CERS5: variants seen among roughly 807,000 people sequenced by gnomAD.
CERS5 encodes the protein LAG1 homolog, ceramide synthase 5.
In CERS5, 37 loss-of-function variants were observed where a neutral mutation model predicts 58.9. That is an observed-to-expected ratio of 0.63 (90% confidence interval 0.48 to 0.83). The LOEUF (loss-of-function observed/expected upper bound fraction) is 0.83, where lower values mean the gene tolerates loss of function less well. CERS5 is among the 40% of genes least tolerant of loss of function. The pLI is 0.00. For missense variants in CERS5, 398 were observed against 489.3 expected (o/e 0.81, Z 1.76); for synonymous variants, 147 against 177.8 (o/e 0.83, Z 1.38).
intron 4 of CERS5, among the ~76,000 whole-genome samples, chr12:50,138,891 G>A (rs995147316): frequency 6.6e-6 from 1 of 152,186 alleles, no homozygotes; most frequent in East Asian, 1.9e-4. Flanking sequence ...ATATATACAG[G>A]AAGACAATGA....
chr12:50,141,640 A>G (rs1238214133), intron 4 of CERS5, among the ~76,000 whole-genome samples: 2 of 152,132 alleles, frequency 1.3e-5, no homozygotes, highest in African/African-American at 4.8e-5. Context: ...GGAAATATAA[A>G]GATCTAAAGG....
chr12:50,161,338 G>A (rs1383216023), intron 1 of CERS5, among the ~76,000 whole-genome samples: 2 of 152,162 alleles, frequency 1.3e-5, no homozygotes, highest in African/African-American at 4.8e-5. Flanking sequence ...TGCTCAGTGT[G>A]GTTGATGAGA....
At chr12:50,148,571 TG>T (rs1402980110) in intron 1 of CERS5, 22 of 346,754 alleles carry the variant, frequency 6.3e-5, no homozygotes, top group Non-Finnish European at 1.2e-4. Flanking sequence ...CACTCCAGTC[TG>T]GGCGACAAAG....
Position 50,143,357 on chromosome 12 carries a change from A to G in CERS5, c.304-153T>C, listed in dbSNP as rs954893764. 7 of 825,388 alleles carry G rather than the reference A, an allele frequency of 8.5e-6. No individual in the cohort carries two copies. In the South Asian group the frequency reaches 1.2e-4, roughly 14 times the overall value. 51.1% of individuals were successfully genotyped at this position (825,388 alleles called of 1,614,324 possible). A position where few individuals can be genotyped will look rare whatever the true frequency, so the allele number is the denominator to read the frequency against. On this transcript the variant is annotated intron_variant, in intron 2 of 9. Transcript: ENST00000317551. ...ATCCCAAAGTCATTTTTAGTAAGAA[A>G]TTTTATCTTACATATCAAGGACCTG...
At chr12:50,161,480 A>G (rs1254857005) in intron 1 of CERS5, among the ~76,000 whole-genome samples, 1 of 152,160 alleles carries the variant, frequency 6.6e-6, no homozygotes, top group Non-Finnish European at 1.5e-5. Flanking sequence ...GATATGAAAC[A>G]AACAAAGCAA....
intron 9 of CERS5, 146 bp downstream of exon 9, chr12:50,134,400 C>A (rs768343184): frequency 1.3e-6 from 2 of 1,588,426 alleles, no homozygotes; most frequent in African/African-American, 1.3e-5. Context: ...AAACACTTAC[C>A]GAAGAGGCGA....
chr12:50,156,476 G>T (rs1938665779), intron 1 of CERS5, among the ~76,000 whole-genome samples: 1 of 130,602 alleles, frequency 7.7e-6, no homozygotes, highest in African/African-American at 3.0e-5. Context: ...ATGCACCTCT[G>T]GTCCCAGCTA....
At chr12:50,145,438 T>G (rs969334597) in intron 1 of CERS5, among the ~76,000 whole-genome samples, 2 of 152,170 alleles carry the variant, frequency 1.3e-5, no homozygotes, top group African/African-American at 4.8e-5. Flanking sequence ...AGTCCCATAA[T>G]GAAAATATGA....
intron 1 of CERS5, among the ~76,000 whole-genome samples, chr12:50,164,700 A>G (rs531408038): frequency 1.3e-5 from 2 of 152,268 alleles, no homozygotes; most frequent in Non-Finnish European, 1.5e-5. Context: ...GGAGCACCAT[A>G]GAAACACTCA....
At chr12:50,133,089 A>G in intron 9 of CERS5, 1 of 1,287,786 alleles carries the variant, frequency 7.8e-7, no homozygotes, top group Non-Finnish European at 1.0e-6. Flanking sequence ...AAAGCAGGAG[A>G]GAACAGAGAT....
In CERS5 at chr12:50,165,704, T is replaced by C. The variant is rs578037876; in HGVS notation, c.197+1397A>G. The C allele has an allele frequency of 4.2e-4, 92 of 218,444 alleles. 1 individual carries two copies. The highest frequency in any genetic ancestry group is 3.1e-3 in the South Asian group (61 of 19,854). The allele number at this position is 218,444 out of a possible 1,614,324, so 13.5% of individuals were successfully genotyped here. On this transcript the variant is annotated intron_variant, in intron 1 of 9. Coordinates refer to ENST00000317551, the MANE Select transcript of CERS5 (RefSeq NM_147190.5). ...CCAAACAGATGCTATCTTTCAGAAA[T>C]TAACAGATTATTTCACCTGCAACAT...
Position 50,148,927 on chromosome 12 carries a change from A to AATAT in CERS5, c.198-4874_198-4871dup, listed in dbSNP as rs773368671. On this transcript the variant is annotated intron_variant, in intron 1 of 9. Coordinates refer to ENST00000317551, the MANE Select transcript of CERS5 (RefSeq NM_147190.5). Reference sequence around the variant, plus strand: ...CTCAAAAAAAAAAAAAAAAAAAAAAAATATATATATATATATATATGTGTG... The same window carrying AATAT: ...CTCAAAAAAAAAAAAAAAAAAAAAAAATATATATATATATATATATATATGTGTG... 1.3e-3 allele frequency among the ~76,000 whole-genome samples: 63 copies of AATAT among 48,014 alleles called. 1 individual carries two copies. Among genetic ancestry groups the AATAT allele is most frequent in the African/African-American group, 3.4e-3 (44 of 13,038 alleles). 31.5% of individuals were successfully genotyped at this position (48,014 alleles called of 152,430 possible). A position where few individuals can be genotyped will look rare whatever the true frequency, so the allele number is the denominator to read the frequency against.
At chr12:50,135,130 A>G (rs1270267682) in intron 8 of CERS5, among the ~76,000 whole-genome samples, 2 of 62,310 alleles carry the variant, frequency 3.2e-5, no homozygotes, top group Non-Finnish European at 2.8e-5. Flanking sequence ...GAGAGAGGAG[A>G]GGGAGGGAGA....
intron 3 of CERS5, among the ~76,000 whole-genome samples, chr12:50,142,840 A>G (rs1271220161): frequency 6.6e-6 from 1 of 152,186 alleles, no homozygotes; most frequent in East Asian, 1.9e-4. Flanking sequence ...CTCCCAATCT[A>G]TTTAGGAAAA....
rs752772985 is a variant in CERS5, at chr12:50,130,665, C to G, written c.1059G>C (p.Glu353Asp). ...KVSKDDRSDV[E>D]SSSEEEDVTT... The stretch of plus-strand genomic sequence containing the variant: ...TCACATCTTCTTCCTCTGAGCTGCT[C>G]TCCACATCACTGCGATCATCCTTCG... Residue 353 changes from glutamate (E) to aspartate (D), a missense_variant, in exon 10 of 10, where the codon GAG becomes GAC. Glu to Asp is a conservative substitution (Grantham distance 45). This residue lies in a region of CERS5 where 47 missense variants were observed against 50.2 expected (regional missense o/e 0.94). Transcript: ENST00000317551. 8 of 1,605,694 alleles carry G rather than the reference C, an allele frequency of 5.0e-6. No individual in the cohort carries two copies. Among genetic ancestry groups the G allele is most frequent in the Admixed American group, 3.3e-5 (2 of 59,822 alleles).
intron 4 of CERS5, among the ~76,000 whole-genome samples, chr12:50,139,922 G>A (rs965475590): frequency 3.3e-5 from 5 of 151,856 alleles, no homozygotes; most frequent in African/African-American, 9.7e-5. Context: ...ACTGGATCTC[G>A]CCATCTTGCC....
At chr12:50,154,246 G>C (rs1360628494) in intron 1 of CERS5, 1 of 353,778 alleles carries the variant, frequency 2.8e-6, no homozygotes, top group East Asian at 1.2e-4. Context: ...CTAGCTACTC[G>C]GGAGGCTGAG....
intron 1 of CERS5, among the ~76,000 whole-genome samples, chr12:50,148,096 A>T (rs1952398600): frequency 6.7e-6 from 1 of 149,248 alleles, no homozygotes. Flanking sequence ...TGAGCCCAGG[A>T]GTTTGAGACC....
intron 9 of CERS5, chr12:50,133,116 A>G: frequency 7.8e-7 from 1 of 1,278,802 alleles, no homozygotes; most frequent in African/African-American, 1.5e-5. Context: ...TAGCTACAGC[A>G]AGATGCACAG....
Sources: allele counts gnomAD v4.1 joint callset (sites outside exome capture counted in the v4.1 genomes callset), GRCh38; gene constraint gnomAD v4.1.1; regional missense constraint gnomAD v4.1.1; transcripts MANE v1.5; gene names NCBI Gene and HGNC (gene_info 2026-07-23, HGNC 2026-07-21).